TRPM3: variants seen among roughly 807,000 people sequenced by gnomAD.
The protein encoded by TRPM3 is transient receptor potential cation channel subfamily M member 3.
TRPM3 carries 77 observed loss-of-function variants against 181.2 expected under a neutral mutation model. The observed-to-expected ratio is 0.42, with a 90% CI of 0.35 to 0.51. The LOEUF is 0.51. Among genes scored for constraint, TRPM3 ranks in the 20% least tolerant of loss-of-function variants. The pLI is 0.01. For missense variants in TRPM3, 1,759 were observed against 2,196.7 expected, an observed-to-expected ratio of 0.80 and a Z score of 3.98; for synonymous variants, 745 against 796.4, an observed-to-expected ratio of 0.94 and a Z score of 1.09.
chr9:71,351,977 A>T (rs1033562926), intron 1 of TRPM3, among the ~76,000 whole-genome samples: 2 of 148,680 alleles, frequency 1.3e-5, no homozygotes, highest in Admixed American at 6.8e-5. Flanking sequence ...CTGGGTTCAC[A>T]CCATTCTCCT....
At chr9:71,006,206 G>T (rs13298352) in intron 1 of TRPM3, among the ~76,000 whole-genome samples, 7,910 of 152,106 alleles carry the variant, frequency 0.052, 291 homozygotes, top group East Asian at 0.1. Context: ...AAAATAAGTA[G>T]CATGAGATCA....
chr9:71,058,116 T>C (rs532681178), intron 1 of TRPM3, among the ~76,000 whole-genome samples: 1 of 152,192 alleles, frequency 6.6e-6, no homozygotes, highest in Non-Finnish European at 1.5e-5. Context: ...ACCCAGGGCA[T>C]AGTCCAACAC....
intron 6 of TRPM3, among the ~76,000 whole-genome samples, chr9:70,822,709 C>T (rs2093275515): frequency 6.6e-6 from 1 of 151,210 alleles, no homozygotes; most frequent in Non-Finnish European, 1.5e-5. Flanking sequence ...ATGGTAAATT[C>T]TAGGTTATGT....
chr9:70,663,306 C>T (rs1045816469), intron 9 of TRPM3, among the ~76,000 whole-genome samples: 3 of 152,004 alleles, frequency 2.0e-5, no homozygotes, highest in African/African-American at 7.2e-5. Flanking sequence ...GCTCAGGTGA[C>T]GGGTGCATTA....
chr9:70,752,049 T>TGTGCGCGCGC (rs1273744922), intron 8 of TRPM3, among the ~76,000 whole-genome samples: 1 of 116,348 alleles, frequency 8.6e-6, no homozygotes, highest in Non-Finnish European at 1.9e-5. Flanking sequence ...TGTGTGTGTG[T>TGTGCGCGCGC]GCGCGCGCGC....
chr9:70,558,580 C>T (rs959521894), intron 22 of TRPM3, among the ~76,000 whole-genome samples: 3 of 152,140 alleles, frequency 2.0e-5, no homozygotes, highest in African/African-American at 7.2e-5. Context: ...TGATAAAGCT[C>T]GAATTTTGTC....
intron 1 of TRPM3, among the ~76,000 whole-genome samples, chr9:70,920,618 G>C (rs1168127755): frequency 6.6e-6 from 1 of 152,038 alleles, no homozygotes; most frequent in Non-Finnish European, 1.5e-5. Flanking sequence ...AAGAATCCTT[G>C]AGGATTAAGA....
intron 1 of TRPM3, among the ~76,000 whole-genome samples, chr9:71,388,281 G>A (rs957428527): frequency 2.8e-4 from 42 of 152,036 alleles, no homozygotes; most frequent in African/African-American, 9.2e-4. Context: ...TAAAATCGCT[G>A]TTTTTTTCAA....
intron 6 of TRPM3, among the ~76,000 whole-genome samples, chr9:70,792,549 A>T (rs997110810): frequency 2.0e-5 from 3 of 151,446 alleles, no homozygotes; most frequent in Admixed American, 1.3e-4. Flanking sequence ...AAGCAGAGAG[A>T]GGGCATCTGT....
chr9:71,180,093 T>G (rs759750323), intron 1 of TRPM3, among the ~76,000 whole-genome samples: 19 of 143,750 alleles, frequency 1.3e-4, no homozygotes, highest in Non-Finnish European at 2.1e-4. Context: ...TCACTCTCAT[T>G]ACCTAGGCAG....
At chr9:70,764,145 A>T (rs1214313636) in intron 7 of TRPM3, among the ~76,000 whole-genome samples, 1 of 152,194 alleles carries the variant, frequency 6.6e-6, no homozygotes, top group Non-Finnish European at 1.5e-5. Flanking sequence ...ATGAAAAGCC[A>T]TTGAAAGATT....
intron 1 of TRPM3, among the ~76,000 whole-genome samples, chr9:70,966,863 C>T (rs998741559): frequency 2.0e-5 from 3 of 152,032 alleles, no homozygotes; most frequent in African/African-American, 7.2e-5. Context: ...AACAAACCTG[C>T]ACATGTATCC....
chr9:70,917,527 G>T, intron 1 of TRPM3: 1 of 662,878 alleles, frequency 1.5e-6, no homozygotes, highest in Non-Finnish European at 2.8e-6. Flanking sequence ...GGGCGGGCAC[G>T]CAGCTTTGTT....
chr9:71,062,731 C>T (rs770336403), intron 1 of TRPM3, among the ~76,000 whole-genome samples: 2 of 151,860 alleles, frequency 1.3e-5, no homozygotes, highest in African/African-American at 2.4e-5. Flanking sequence ...GAATTAATGC[C>T]GTTATCATGG....
At chr9:71,073,620 G>A (rs2063064984) in intron 1 of TRPM3, among the ~76,000 whole-genome samples, 1 of 151,428 alleles carries the variant, frequency 6.6e-6, no homozygotes, top group African/African-American at 2.4e-5. Context: ...ATTCCTCCCT[G>A]TTCCATTCCA....
chr9:70,983,305 T>A (rs190449043), intron 1 of TRPM3, among the ~76,000 whole-genome samples: 1 of 152,194 alleles, frequency 6.6e-6, no homozygotes, highest in Admixed American at 6.5e-5. Flanking sequence ...CAGGATCAGT[T>A]CTAATACCTC....
chr9:71,275,416 T>C (rs576683958), intron 1 of TRPM3, among the ~76,000 whole-genome samples: 15 of 152,216 alleles, frequency 9.9e-5, no homozygotes, highest in Non-Finnish European at 1.9e-4. Flanking sequence ...CAGATTGGAA[T>C]AGTCAATATT....
At chr9:71,057,366 G>C (rs898127975) in intron 1 of TRPM3, among the ~76,000 whole-genome samples, 4 of 152,066 alleles carry the variant, frequency 2.6e-5, no homozygotes, top group African/African-American at 9.7e-5. Flanking sequence ...GCTAGTGTCA[G>C]ATAACAGAGT....
intron 22 of TRPM3, among the ~76,000 whole-genome samples, chr9:70,581,179 A>C (rs946193664): frequency 6.6e-6 from 1 of 152,274 alleles, no homozygotes; most frequent in Non-Finnish European, 1.5e-5. Context: ...GCCAAGAAAT[A>C]GCCCCTCTAT....
Sources: allele counts gnomAD v4.1 joint callset (sites outside exome capture counted in the v4.1 genomes callset), GRCh38; gene constraint gnomAD v4.1.1; transcripts MANE v1.5; gene names NCBI Gene and HGNC (gene_info 2026-07-23, HGNC 2026-07-21).